NDRG1: variants seen among roughly 807,000 people sequenced by gnomAD.
The protein encoded by NDRG1 is N-myc downstream regulated 1, also known as protein NDRG1.
In NDRG1, 32 loss-of-function variants were observed where a neutral mutation model predicts 56.9. The ratio of observed to expected loss-of-function variants is 0.56; its 90% CI spans 0.42 to 0.76. The LOEUF (loss-of-function observed/expected upper bound fraction) is 0.76, where lower values mean the gene tolerates loss of function less well. Ranked by LOEUF, NDRG1 falls within the 30% of genes least tolerant of loss-of-function variation. The probability of loss-of-function intolerance (pLI) is 0.00; values close to 1 mark genes in which losing one functional copy is unlikely to be tolerated. For missense variants in NDRG1, 507 were observed against 545.7 expected, an observed-to-expected ratio of 0.93 and a Z score of 0.71; for synonymous variants, 211 against 204.1, an observed-to-expected ratio of 1.03 and a Z score of -0.29.
At chr8:133,272,987 G>C (rs1034517976) in intron 3 of NDRG1, among the ~76,000 whole-genome samples, 1 of 152,290 alleles carries the variant, frequency 6.6e-6, no homozygotes, top group Admixed American at 6.5e-5. Context: ...CCCCCCCACC[G>C]AATGGGATTG....
In NDRG1 at chr8:133,264,603, C is replaced by G; in HGVS notation, c.149G>C (p.Gly50Ala). Residue 50 changes from glycine (G) to alanine (A), a missense_variant, in exon 4 of 16, where the codon GGG becomes GCG. By Grantham distance (60) the Gly-to-Ala change is moderately conservative. Coordinates refer to ENST00000323851, the MANE Select transcript of NDRG1 (RefSeq NM_006096.4). ...GACAGGCCGGTTTCCCTTGGGAGTCCCACACAGCGTGACGTGAACAGAGCC... is the reference window on the plus strand; with the variant it reads ...GACAGGCCGGTTTCCCTTGGGAGTCGCACACAGCGTGACGTGAACAGAGCC... ...LHGSVHVTLCGTPKGNRPVIL... is the reference protein window; with the variant it reads ...LHGSVHVTLCATPKGNRPVIL... 6.2e-7 allele frequency: 1 copy of G among 1,614,216 alleles called. No homozygotes were observed. The highest frequency in any genetic ancestry group is 8.5e-7 in the Non-Finnish European group (1 of 1,180,038).
intron 3 of NDRG1, among the ~76,000 whole-genome samples, chr8:133,278,474 G>C (rs1051419193): frequency 6.6e-6 from 1 of 152,110 alleles, no homozygotes; most frequent in Admixed American, 6.6e-5. Flanking sequence ...CATGCCCAGC[G>C]TCCTGCAACA....
intron 4 of NDRG1, among the ~76,000 whole-genome samples, chr8:133,263,835 G>A (rs1563627933): frequency 6.7e-6 from 1 of 149,900 alleles, no homozygotes; most frequent in Non-Finnish European, 1.5e-5. Flanking sequence ...AGAATTGCTT[G>A]AACCCAGTAG....
At chr8:133,272,625 C>T (rs1857252000) in intron 3 of NDRG1, among the ~76,000 whole-genome samples, 1 of 152,238 alleles carries the variant, frequency 6.6e-6, no homozygotes, top group Non-Finnish European at 1.5e-5. Context: ...CCCACCTCTC[C>T]TGTTCCATTG....
chr8:133,268,140 C>G (rs1857009366), intron 3 of NDRG1, among the ~76,000 whole-genome samples: 1 of 152,174 alleles, frequency 6.6e-6, no homozygotes, highest in Non-Finnish European at 1.5e-5. Context: ...CTCTGCATAG[C>G]TGCCTGCTCT....
chr8:133,288,987 CA>C (rs1858284506), intron 1 of NDRG1, among the ~76,000 whole-genome samples: 1 of 152,214 alleles, frequency 6.6e-6, no homozygotes, highest in South Asian at 2.1e-4. Context: ...GAAAGGTAGC[CA>C]GGAGCTGGGG....
In NDRG1 at chr8:133,284,394, T is replaced by C. The variant is rs1054596244; in HGVS notation, c.-18-65A>G. The C allele has an allele frequency of 5.4e-6, 8 of 1,494,866 alleles. No individual in the cohort carries two copies. In the African/African-American group the frequency reaches 1.1e-4, roughly 21 times the overall value. The allele number at this position is 1,494,866 out of a possible 1,614,324, so 92.6% of individuals were successfully genotyped here. On this transcript the variant is annotated intron_variant, in intron 1 of 15. Transcript: ENST00000323851. ...TGAGAGGTTTCCTAAAGGAAGCAAATCCAAGACCAATGGCAAGAAGGCCAG... is the reference window on the plus strand; with the variant it reads ...TGAGAGGTTTCCTAAAGGAAGCAAACCCAAGACCAATGGCAAGAAGGCCAG...
intron 6 of NDRG1, among the ~76,000 whole-genome samples, chr8:133,258,805 A>G (rs1856518028): frequency 6.6e-6 from 1 of 152,234 alleles, no homozygotes; most frequent in Non-Finnish European, 1.5e-5. Flanking sequence ...CAAGACAGAG[A>G]GGAACACTGG....
chr8:133,284,381 T>G (rs1857985271), intron 1 of NDRG1, 52 bp from the exon 2 acceptor site: 6 of 1,571,774 alleles, frequency 3.8e-6, no homozygotes, highest in Non-Finnish European at 5.3e-6. Flanking sequence ...AGAGGTTTCC[T>G]AAAGGAAGCA....
intron 1 of NDRG1, among the ~76,000 whole-genome samples, chr8:133,294,954 G>A (rs1166677128): frequency 2.0e-5 from 3 of 152,180 alleles, no homozygotes; most frequent in African/African-American, 4.8e-5. Context: ...CTGAGCTCCA[G>A]CTCAGTTCGG....
At chr8:133,294,672 G>T (rs1563646679) in intron 1 of NDRG1, among the ~76,000 whole-genome samples, 1 of 107,364 alleles carries the variant, frequency 9.3e-6, no homozygotes, top group African/African-American at 4.7e-5. Flanking sequence ...CTTCTGTCAT[G>T]GGGGGGGGGC....
chr8:133,260,906 C>G (rs1484022563), intron 5 of NDRG1, among the ~76,000 whole-genome samples: 1 of 152,106 alleles, frequency 6.6e-6, no homozygotes, highest in Non-Finnish European at 1.5e-5. Flanking sequence ...CTGCCACCCC[C>G]ACATGATGCT....
chr8:133,273,353 C>CTCTGCTGTCCCTTCCCCT (rs1453646640), intron 3 of NDRG1, among the ~76,000 whole-genome samples: 2 of 152,258 alleles, frequency 1.3e-5, no homozygotes, highest in African/African-American at 4.8e-5. Flanking sequence ...TTCCCCAAAA[C>CTCTGCTGTCCCTTCCCCT]TCGTTAAATG....
chr8:133,248,716 G>A lies in NDRG1; in HGVS notation c.754C>T (p.Gln252Ter). The A allele has an allele frequency of 6.2e-7, 1 of 1,614,210 alleles. No homozygotes were observed. Among genetic ancestry groups the A allele is most frequent in the Non-Finnish European group, 8.5e-7 (1 of 1,180,028 alleles). The change falls in exon 11 of 16, where the codon CAG becomes TAG. Residue 252 changes from glutamine (Q) to a stop codon, truncating the protein, a stop_gained and splice_region_variant. Coordinates refer to ENST00000323851, the MANE Select transcript of NDRG1 (RefSeq NM_006096.4). LOFTEE classifies it high-confidence loss of function. Reference protein sequence around the residue: ...PMPGTHTVTLQCPALLVVGDS... With the variant: ...PMPGTHTVTL ...CTGGGGGAGAGAAAAGCCACTCACT[G>A]CAGGGTGACTGTGTGGGTTCCCGGC...
At chr8:133,240,182 T>C (rs561847634) in intron 15 of NDRG1, 3 of 152,332 alleles carry the variant, frequency 2.0e-5, no homozygotes, top group South Asian at 4.1e-4. Context: ...TGGATTTCTA[T>C]TGTTTTCAGC....
chr8:133,261,712 G>A (rs1372040777), intron 5 of NDRG1, among the ~76,000 whole-genome samples: 1 of 152,156 alleles, frequency 6.6e-6, no homozygotes, highest in Non-Finnish European at 1.5e-5. Flanking sequence ...CTATCGTAAC[G>A]CCAGCCTTGC....
intron 1 of NDRG1, among the ~76,000 whole-genome samples, chr8:133,289,306 T>C (rs185620490): frequency 3.3e-5 from 5 of 152,146 alleles, no homozygotes; most frequent in Non-Finnish European, 5.9e-5. Context: ...AATTCAAGAA[T>C]GGCATGGAGA....
intron 7 of NDRG1, among the ~76,000 whole-genome samples, chr8:133,257,282 TACACACACACAC>T (rs58312135): frequency 0.19 from 27,318 of 146,744 alleles, 2,708 homozygotes; most frequent in African/African-American, 0.26. Context: ...AACACATGCA[TACACACACACAC>T]ACACACACAC....
intron 1 of NDRG1, among the ~76,000 whole-genome samples, chr8:133,285,409 A>G (rs1858053098): frequency 6.6e-6 from 1 of 152,176 alleles, no homozygotes; most frequent in South Asian, 2.1e-4. Flanking sequence ...TCTGAATGGA[A>G]AACGCCTGAC....
Sources: gnomAD v4.1 joint callset for allele counts (sites outside exome capture counted in the v4.1 genomes callset) on GRCh38, gnomAD v4.1.1 for gene constraint, MANE v1.5 for transcripts, NCBI Gene and HGNC (gene_info 2026-07-23, HGNC 2026-07-21) for gene names.